Variants in PTGER3 observed in about 807,000 individuals in gnomAD.
PTGER3 encodes prostaglandin E2 receptor EP3 subtype.
A neutral mutation model predicts 34.7 loss-of-function variants in PTGER3; 22 were observed. The ratio of observed to expected loss-of-function variants is 0.63; its 90% CI spans 0.45 to 0.91. The LOEUF is 0.91. PTGER3 is among the 40% of genes least tolerant of loss of function. The pLI is 0.00. For missense variants in PTGER3, 468 were observed against 519.4 expected (o/e 0.90, Z 0.96); for synonymous variants, 241 against 230.1 (o/e 1.05, Z -0.43).
intron 1 of PTGER3, among the ~76,000 whole-genome samples, chr1:71,040,129 G>T (rs1660183675): frequency 6.8e-6 from 1 of 147,310 alleles, no homozygotes; most frequent in African/African-American, 2.5e-5. Context: ...AAAAAAGAAA[G>T]AGAAAGAGAG....
intron 1 of PTGER3, among the ~76,000 whole-genome samples, chr1:71,030,043 T>G (rs1659276562): frequency 6.6e-6 from 1 of 152,084 alleles, no homozygotes; most frequent in African/African-American, 2.4e-5. Context: ...TGTAGGTATT[T>G]GAGACAAAGT....
At chr1:70,995,330 G>C (rs1373978320) in intron 2 of PTGER3, among the ~76,000 whole-genome samples, 1 of 152,188 alleles carries the variant, frequency 6.6e-6, no homozygotes, top group Non-Finnish European at 1.5e-5. Context: ...GGTTTACTGA[G>C]AGCTTTGAAC....
chr1:71,027,072 C>A (rs746668033), intron 1 of PTGER3, among the ~76,000 whole-genome samples: 9 of 152,150 alleles, frequency 5.9e-5, no homozygotes, highest in Admixed American at 1.3e-4. Flanking sequence ...TAGGGAGGAC[C>A]TTAAACAAGT....
At chr1:70,953,701 G>A (rs1651007277) in intron 3 of PTGER3, 3 of 1,536,750 alleles carry the variant, frequency 2.0e-6, no homozygotes, top group South Asian at 2.5e-5. Context: ...AGTACAGTTG[G>A]CAGAAAGTGA....
chr1:70,963,496 G>A (rs1652170335), intron 2 of PTGER3, among the ~76,000 whole-genome samples: 2 of 152,142 alleles, frequency 1.3e-5, no homozygotes, highest in South Asian at 4.1e-4. Flanking sequence ...AGGAAGAGGG[G>A]CCCAAACTTC....
chr1:70,881,388 T>C (rs1363659271), intron 4 of PTGER3, among the ~76,000 whole-genome samples: 1 of 152,226 alleles, frequency 6.6e-6, no homozygotes, highest in African/African-American at 2.4e-5. Flanking sequence ...TTTCTATCCG[T>C]ATTCTGAATG....
chr1:71,010,927 A>C (rs142864776), intron 2 of PTGER3: 1 of 985,304 alleles, frequency 1.0e-6, no homozygotes, highest in East Asian at 1.1e-4. Context: ...AAGAAGTATA[A>C]ATAAATCTCA....
intron 4 of PTGER3, among the ~76,000 whole-genome samples, chr1:70,880,196 G>T (rs1198859984): frequency 6.6e-6 from 1 of 152,050 alleles, no homozygotes; most frequent in African/African-American, 2.4e-5. Flanking sequence ...CGACCTATAT[G>T]CTCAAGTGTG....
intron 2 of PTGER3, among the ~76,000 whole-genome samples, chr1:70,996,639 T>TTTTTTTTATTTATTTATTTATTTATTTA (rs774610328): frequency 8.1e-6 from 1 of 122,752 alleles, no homozygotes; most frequent in Non-Finnish European, 1.7e-5. Context: ...TTTTTTGTAT[T>TTTTTTTTATTTATTTATTTATTTATTTA]TTTATTTATT....
At chr1:70,881,684 G>A (rs1359794256) in intron 4 of PTGER3, among the ~76,000 whole-genome samples, 5 of 152,070 alleles carry the variant, frequency 3.3e-5, no homozygotes, top group Non-Finnish European at 7.4e-5. Context: ...GTCTGCTCCT[G>A]GGTCTTGGAG....
rs192948640 is a variant in PTGER3, at chr1:71,017,955, G to C, written c.898-5471C>G. Among the ~76,000 whole-genome samples the C allele has an allele frequency of 9.2e-3, 1,402 of 152,182 alleles. 12 individuals are homozygous for C. The highest frequency in any genetic ancestry group is 0.014 in the Non-Finnish European group (936 of 68,014). On this transcript the variant is annotated intron_variant, in intron 1 of 3. Transcript: ENST00000306666. ...AATTTATGTATTTTTAGTAGAGATG[G>C]GGTTTCACCATATTGGCCAGGCTGG... is the stretch of plus-strand genomic sequence containing the variant.
chr1:70,968,556 C>T (rs1018568804), downstream of PTGER3, among the ~76,000 whole-genome samples: 1 of 151,912 alleles, frequency 6.6e-6, no homozygotes. Context: ...TGAATTACAA[C>T]CCAGAGTATT....
intron 4 of PTGER3, chr1:70,865,970 C>T (rs1572492503): frequency 2.4e-6 from 1 of 419,776 alleles, no homozygotes; most frequent in Admixed American, 3.7e-5. Context: ...CTTCAAAGTT[C>T]AACTCAAGCA....
At chr1:71,004,085 A>G (rs1292503447) in intron 2 of PTGER3, among the ~76,000 whole-genome samples, 2 of 152,204 alleles carry the variant, frequency 1.3e-5, no homozygotes, top group Admixed American at 1.3e-4. Flanking sequence ...TTTTCTCTCA[A>G]TGTTCTTTGC....
At chr1:70,886,909 T>G (rs189009882) in intron 4 of PTGER3, among the ~76,000 whole-genome samples, 455 of 152,322 alleles carry the variant, frequency 3.0e-3, no homozygotes, top group African/African-American at 0.011. Context: ...GACCCAGTTC[T>G]TAAATACTTC....
In PTGER3 at chr1:70,937,859, T is replaced by A. The variant is rs1215225832; in HGVS notation, c.*23+15904A>T. On this transcript the variant is annotated intron_variant, in intron 4 of 4. Coordinates refer to the PTGER3 transcript ENST00000370931. ...ATCATCTGAAGCAATTGTCTCATTT[T>A]GCTTTTAAGCATATTTCACTTTTAT... Among the ~76,000 whole-genome samples the A allele has an allele frequency of 1.3e-5, 2 of 151,684 alleles. 1 individual carries two copies. Among genetic ancestry groups the A allele is most frequent in the Non-Finnish European group, 2.9e-5 (2 of 67,990 alleles).
intron 4 of PTGER3, among the ~76,000 whole-genome samples, chr1:70,868,304 T>C (rs1250308489): frequency 6.6e-6 from 1 of 152,190 alleles, no homozygotes; most frequent in African/African-American, 2.4e-5. Context: ...ATGGTGTTTC[T>C]GAATACTTCT....
chr1:71,036,838 C>A (rs988503184), intron 1 of PTGER3, among the ~76,000 whole-genome samples: 37 of 142,078 alleles, frequency 2.6e-4, no homozygotes, highest in Admixed American at 2.8e-4. Flanking sequence ...GACTTTGTCT[C>A]AAAAAAAAAA....
intron 4 of PTGER3, among the ~76,000 whole-genome samples, chr1:70,932,363 C>G (rs189900624): frequency 6.6e-6 from 1 of 152,162 alleles, no homozygotes; most frequent in Non-Finnish European, 1.5e-5. Context: ...GTTCCAAAGT[C>G]GCTTCCACAT....
Sources: allele counts gnomAD v4.1 joint callset (sites outside exome capture counted in the v4.1 genomes callset), GRCh38; gene constraint gnomAD v4.1.1; transcripts MANE v1.5; gene names NCBI Gene and HGNC (gene_info 2026-07-23, HGNC 2026-07-21).